Variants in CDKAL1 observed in about 807,000 individuals in gnomAD.
CDKAL1 encodes the protein CDKAL1 threonylcarbamoyladenosine tRNA methylthiotransferase, also known as threonylcarbamoyladenosine tRNA methylthiotransferase.
A neutral mutation model predicts 68.2 loss-of-function variants in CDKAL1; 32 were observed. The observed-to-expected ratio is 0.47, with a 90% CI of 0.35 to 0.63. The LOEUF is 0.63. Among genes scored for constraint, CDKAL1 ranks in the 30% least tolerant of loss-of-function variants. CDKAL1 has a pLI of 0.00. For synonymous variants in CDKAL1, 234 were observed against 244.3 expected (o/e 0.96, Z 0.39); for missense variants, 606 against 696.7 (o/e 0.87, Z 1.47).
chr6:20,877,369 A>G (rs539452341), intron 9 of CDKAL1, among the ~76,000 whole-genome samples: 8 of 152,340 alleles, frequency 5.3e-5, no homozygotes, highest in African/African-American at 1.9e-4. Flanking sequence ...TAATATCTTG[A>G]AAGTATCCTT....
intron 8 of CDKAL1, among the ~76,000 whole-genome samples, chr6:20,785,169 T>C (rs1775615310): frequency 1.3e-5 from 2 of 152,302 alleles, no homozygotes; most frequent in Admixed American, 6.5e-5. Flanking sequence ...TGTCCCAGAA[T>C]GAGAAATGGG....
At chr6:21,093,613 G>A (rs1363068310) in intron 12 of CDKAL1, among the ~76,000 whole-genome samples, 2 of 151,306 alleles carry the variant, frequency 1.3e-5, no homozygotes, top group African/African-American at 4.9e-5. Flanking sequence ...CACTTCTTGC[G>A]AGGTGATTTA....
chr6:21,003,491 G>A (rs1020568176), intron 11 of CDKAL1, among the ~76,000 whole-genome samples: 2 of 150,152 alleles, frequency 1.3e-5, no homozygotes, highest in East Asian at 2.0e-4. Flanking sequence ...ACTTGAACTC[G>A]GGAGGCAAAA....
intron 15 of CDKAL1, among the ~76,000 whole-genome samples, chr6:21,221,365 A>T (rs1779533331): frequency 6.6e-6 from 1 of 151,744 alleles, no homozygotes; most frequent in Admixed American, 6.5e-5. Context: ...AGTAGCTGGG[A>T]CTACAAGCAC....
At chr6:21,175,738 T>C (rs12528104) in intron 13 of CDKAL1, among the ~76,000 whole-genome samples, 21,658 of 152,262 alleles carry the variant, frequency 0.14, 1,819 homozygotes, top group Non-Finnish European at 0.19. Flanking sequence ...TGAAAGGTGT[T>C]GTTTGACTTT....
intron 11 of CDKAL1, among the ~76,000 whole-genome samples, chr6:21,030,649 AT>A (rs1381018301): frequency 5.9e-5 from 9 of 152,078 alleles, no homozygotes; most frequent in Admixed American, 3.9e-4. Flanking sequence ...ATCGTCATCA[AT>A]TTTCCATCAA....
chr6:21,108,703 C>G (rs1773974529), intron 13 of CDKAL1, among the ~76,000 whole-genome samples: 3 of 152,176 alleles, frequency 2.0e-5, no homozygotes, highest in East Asian at 3.9e-4. Flanking sequence ...ATCTCAAAGA[C>G]AGTGAAAAGA....
chr6:20,742,446 T>C (rs561045449), intron 6 of CDKAL1, among the ~76,000 whole-genome samples: 57 of 144,978 alleles, frequency 3.9e-4, no homozygotes, highest in African/African-American at 1.4e-3. Flanking sequence ...ATTTAAAATT[T>C]TGCTTATCTT....
intron 9 of CDKAL1, among the ~76,000 whole-genome samples, chr6:20,890,993 C>G (rs760218125): frequency 6.6e-6 from 1 of 152,150 alleles, no homozygotes; most frequent in Non-Finnish European, 1.5e-5. Context: ...GCAATTATCT[C>G]CTTTCACAGA....
intron 9 of CDKAL1, among the ~76,000 whole-genome samples, chr6:20,868,791 G>T (rs1192801109): frequency 6.6e-6 from 1 of 152,176 alleles, no homozygotes; most frequent in Non-Finnish European, 1.5e-5. Context: ...ATCAGCATGG[G>T]CCGTGTGTTA....
At chr6:20,612,364 C>T (rs192868981) in intron 4 of CDKAL1, among the ~76,000 whole-genome samples, 1 of 152,244 alleles carries the variant, frequency 6.6e-6, no homozygotes, top group Non-Finnish European at 1.5e-5. Flanking sequence ...ATTTACATTA[C>T]CACCAACAGT....
chr6:20,591,346 T>C (rs941680843), intron 4 of CDKAL1, among the ~76,000 whole-genome samples: 1 of 152,188 alleles, frequency 6.6e-6, no homozygotes, highest in African/African-American at 2.4e-5. Flanking sequence ...GTGCAGAAGC[T>C]CTTTAGTTTA....
At chr6:20,726,776 G>A (rs1772675904) in intron 5 of CDKAL1, among the ~76,000 whole-genome samples, 9 of 152,140 alleles carry the variant, frequency 5.9e-5, no homozygotes, top group Admixed American at 4.6e-4. Flanking sequence ...CAGCAGGTTT[G>A]GGGGAAAAGC....
intron 10 of CDKAL1, among the ~76,000 whole-genome samples, chr6:20,961,485 C>T (rs1397128135): frequency 3.9e-5 from 6 of 152,148 alleles, no homozygotes; most frequent in African/African-American, 2.4e-5. Flanking sequence ...AAGAAAATAT[C>T]GGCTGGGCGC....
At chr6:20,810,420 AC>A (rs1776756532) in intron 8 of CDKAL1, among the ~76,000 whole-genome samples, 2 of 148,714 alleles carry the variant, frequency 1.3e-5, no homozygotes, top group Non-Finnish European at 3.0e-5. Context: ...ACACACACAC[AC>A]ACACACACAC....
chr6:21,204,975 T>G (rs1262496808), intron 15 of CDKAL1, among the ~76,000 whole-genome samples: 1 of 152,218 alleles, frequency 6.6e-6, no homozygotes, highest in East Asian at 1.9e-4. Context: ...CCCTGGTAAC[T>G]TCTAATCTAC....
intron 12 of CDKAL1, among the ~76,000 whole-genome samples, chr6:21,070,666 T>C (rs1771725152): frequency 6.6e-6 from 1 of 152,248 alleles, no homozygotes; most frequent in South Asian, 2.1e-4. Context: ...CTCTTCTCTC[T>C]TCCCCTGTGA....
At chr6:21,089,764 C>T (rs1038622862) in intron 12 of CDKAL1, among the ~76,000 whole-genome samples, 1 of 152,106 alleles carries the variant, frequency 6.6e-6, no homozygotes, top group Non-Finnish European at 1.5e-5. Context: ...ATGAAGGAGG[C>T]CAGGTGGTCA....
chr6:20,638,714 C>T (rs938948522), intron 4 of CDKAL1, among the ~76,000 whole-genome samples: 2 of 151,240 alleles, frequency 1.3e-5, no homozygotes, highest in Non-Finnish European at 2.9e-5. Flanking sequence ...CTGGTTCAAG[C>T]GATTCTCCTC....
Sources: gnomAD v4.1 joint callset for allele counts (sites outside exome capture counted in the v4.1 genomes callset) on GRCh38, gnomAD v4.1.1 for gene constraint, MANE v1.5 for transcripts, NCBI Gene and HGNC (gene_info 2026-07-23, HGNC 2026-07-21) for gene names.